ZNF93: variants seen among roughly 807,000 people sequenced by gnomAD.
ZNF93 encodes the protein zinc finger protein 93, also known as zinc finger protein 505.
A neutral mutation model predicts 45.0 loss-of-function variants in ZNF93; 29 were observed. The observed-to-expected ratio is 0.64, with a 90% confidence interval of 0.48 to 0.88. ZNF93 has a LOEUF of 0.88. Among genes scored for constraint, ZNF93 ranks in the 40% least tolerant of loss-of-function variants. ZNF93 has a pLI of 0.00. For synonymous variants in ZNF93, 223 were observed against 244.6 expected (o/e 0.91, Z 0.82); for missense variants, 578 against 724.0 (o/e 0.80, Z 2.31).
intron 3 of ZNF93, among the ~76,000 whole-genome samples, chr19:19,921,833 G>C (rs983016569): frequency 6.6e-6 from 1 of 151,924 alleles, no homozygotes; most frequent in African/African-American, 2.4e-5. Flanking sequence ...GAGCCTATGT[G>C]TGTCTCTGCA....
intron 1 of ZNF93, chr19:19,914,880 C>A (rs771096481): frequency 5.2e-5 from 17 of 324,820 alleles, no homozygotes; most frequent in Non-Finnish European, 7.6e-5. Context: ...TGGGAAAAAA[C>A]CCCCGCATAA....
At chr19:19,903,031 G>A (rs555810629) in intron 1 of ZNF93, among the ~76,000 whole-genome samples, 7 of 152,156 alleles carry the variant, frequency 4.6e-5, no homozygotes, top group Non-Finnish European at 8.8e-5. Context: ...GAGCCACCGC[G>A]CCCGGCCTTT....
chr19:19,933,515 C>A lies in ZNF93; in HGVS notation c.560C>A (p.Thr187Asn). ...GGCAAAGCTTTTAACCAGTTCTCAACCCTTATAACACATAAGAAAATTCAT... is the reference window on the plus strand; with the variant it reads ...GGCAAAGCTTTTAACCAGTTCTCAAACCTTATAACACATAAGAAAATTCAT... ...ECGKAFNQFS[T>N]LITHKKIHTG... The change falls in exon 4 of 4, where the codon ACC becomes AAC. Residue 187 changes from threonine (T) to asparagine (N), a missense_variant. Thr to Asn is a moderately conservative substitution (Grantham distance 65). Coordinates refer to ENST00000343769, the MANE Select transcript of ZNF93 (RefSeq NM_031218.4). The A allele has an allele frequency of 2.5e-6, 4 of 1,606,908 alleles. No individual in the cohort carries two copies. Among genetic ancestry groups the A allele is most frequent in the Non-Finnish European group, 3.4e-6 (4 of 1,177,798 alleles).
Position 19,917,754 on chromosome 19 carries a change from G to C in ZNF93, c.226+1099G>C, listed in dbSNP as rs531118010. ...TGGTCTCAAACTCCCAACCTCAGGT[G>C]ATCCACCCGCCTTGGCCTTTCAATG... is the stretch of plus-strand genomic sequence containing the variant. On this transcript the variant is annotated intron_variant, in intron 3 of 3. Coordinates refer to ENST00000343769, the MANE Select transcript of ZNF93 (RefSeq NM_031218.4). Among the ~76,000 whole-genome samples, 17 of 152,232 alleles carry C rather than the reference G, an allele frequency of 1.1e-4. No individual in the cohort carries two copies. In the South Asian group the frequency reaches 3.5e-3, roughly 32 times the overall value.
intron 3 of ZNF93, among the ~76,000 whole-genome samples, chr19:19,924,664 C>T (rs2122186894): frequency 6.6e-6 from 1 of 151,592 alleles, no homozygotes. Flanking sequence ...AATCTAGGCT[C>T]ACTGCAACCT....
In ZNF93 at chr19:19,934,886, C is replaced by G. The variant is rs1281861925; in HGVS notation, c.*68C>G. 1 of 1,496,500 alleles carries G rather than the reference C, an allele frequency of 6.7e-7. No homozygotes were observed. Among genetic ancestry groups the G allele is most frequent in the Admixed American group, 2.1e-5 (1 of 46,592 alleles). 92.7% of individuals were successfully genotyped at this position (1,496,500 alleles called of 1,614,324 possible). On this transcript the variant is annotated 3_prime_UTR_variant, in exon 4 of 4. Coordinates refer to ENST00000343769, the MANE Select transcript of ZNF93 (RefSeq NM_031218.4). Reference sequence around the variant, plus strand: ...CTTACTATACACTGAGAGTTCTGAACTTACTCTGTAACCATCCCAAACTCC... The same window carrying G: ...CTTACTATACACTGAGAGTTCTGAAGTTACTCTGTAACCATCCCAAACTCC...
chr19:19,911,561 C>T (rs1407533458), intron 1 of ZNF93, among the ~76,000 whole-genome samples: 1 of 152,090 alleles, frequency 6.6e-6, no homozygotes, highest in Non-Finnish European at 1.5e-5. Context: ...ATGAAGCAGT[C>T]ATAGTTCCTA....
intron 1 of ZNF93, among the ~76,000 whole-genome samples, chr19:19,906,554 T>C (rs1404764733): frequency 6.6e-6 from 1 of 152,188 alleles, no homozygotes; most frequent in Non-Finnish European, 1.5e-5. Flanking sequence ...TGTCAATTTT[T>C]GCTTTTGTTA....
In ZNF93 at chr19:19,933,653, A is replaced by T; in HGVS notation, c.698A>T (p.Lys233Ile). 6.2e-7 allele frequency: 1 copy of T among 1,612,356 alleles called. No individual in the cohort carries two copies. The highest frequency in any genetic ancestry group is 8.5e-7 in the Non-Finnish European group (1 of 1,179,166). The change falls in exon 4 of 4, where the codon AAA becomes ATA. Residue 233 changes from lysine to isoleucine, a missense_variant. Lys to Ile is a moderately radical substitution (Grantham distance 102). Around this residue, in one of 3 missense-constraint regions of ZNF93, gnomAD observed 446 missense variants for 547.6 expected, o/e 0.81. Transcript: ENST00000343769. The part of the protein sequence containing the change: ...HTGEKPYKCD[K>I]CDKAFIASST... ...GGAGAGAAACCATACAAGTGTGATA[A>T]ATGTGACAAAGCCTTTATTGCATCC... is the stretch of plus-strand genomic sequence containing the variant.
intron 1 of ZNF93, among the ~76,000 whole-genome samples, chr19:19,902,729 TGG>T (rs1187414050): frequency 6.8e-6 from 1 of 148,034 alleles, no homozygotes; most frequent in Admixed American, 6.7e-5. Context: ...GAAAGGAAAC[TGG>T]GAGGATCTTT....
chr19:19,934,344 C>G lies in ZNF93; in HGVS notation c.1389C>G (p.Asn463Lys). 6.2e-7 allele frequency: 1 copy of G among 1,611,044 alleles called. No individual in the cohort carries two copies. The highest frequency in any genetic ancestry group is 8.5e-7 in the Non-Finnish European group (1 of 1,179,526). ...GTGAAGAATGTGGCAAAGCTTTTAA[C>G]CAGTCCTCATCCCTTACTAAACATA... ...YKCEECGKAF[N>K]QSSSLTKHKK... The change falls in exon 4 of 4, where the codon AAC becomes AAG. Residue 463 changes from asparagine (N) to lysine (K), a missense_variant. By Grantham distance (94) the Asn-to-Lys change is moderately conservative. Around this residue, in one of 3 missense-constraint regions of ZNF93, gnomAD observed 446 missense variants for 547.6 expected, o/e 0.81. Transcript: ENST00000343769.
chr19:19,911,990 G>T (rs1001588363), intron 1 of ZNF93, among the ~76,000 whole-genome samples: 1 of 151,902 alleles, frequency 6.6e-6, no homozygotes, highest in African/African-American at 2.4e-5. Flanking sequence ...ACCTCGTTCT[G>T]CACCCGCCTT....
At chr19:19,914,236 G>T (rs1015878236) in intron 1 of ZNF93, among the ~76,000 whole-genome samples, 3 of 152,128 alleles carry the variant, frequency 2.0e-5, no homozygotes, top group Non-Finnish European at 2.9e-5. Flanking sequence ...TTAGCTATAT[G>T]CAGAAGATAA....
chr19:19,910,241 AG>A (rs1342304918), intron 1 of ZNF93, among the ~76,000 whole-genome samples: 4 of 152,170 alleles, frequency 2.6e-5, no homozygotes, highest in Admixed American at 1.3e-4. Context: ...AACTTACCTA[AG>A]AAATGCAAGT....
chr19:19,935,078 C>A lies in ZNF93; in HGVS notation c.*260C>A. 1 of 450,046 alleles carries A rather than the reference C, an allele frequency of 2.2e-6. No individual in the cohort carries two copies. The highest frequency in any genetic ancestry group is 3.9e-6 in the Non-Finnish European group (1 of 254,986). 27.9% of individuals were successfully genotyped at this position (450,046 alleles called of 1,614,324 possible). ...GAGCCACAGCTTAAGGTCAGTTCTG[C>A]CTATATAGAAACCCACACAGTTAAC... is the stretch of plus-strand genomic sequence containing the variant. On this transcript the variant is annotated 3_prime_UTR_variant, in exon 4 of 4. Transcript: ENST00000343769.
intron 1 of ZNF93, among the ~76,000 whole-genome samples, chr19:19,902,170 A>G (rs1257067463): frequency 6.6e-6 from 1 of 152,180 alleles, no homozygotes; most frequent in Admixed American, 6.5e-5. Flanking sequence ...TCAAACACTG[A>G]GTTTCAAAAA....
At chr19:19,901,221 C>G (rs1433468422) in intron 1 of ZNF93, 130 bp downstream of exon 1, 7 of 1,473,278 alleles carry the variant, frequency 4.8e-6, no homozygotes, top group African/African-American at 1.4e-5. Context: ...TTGCCCAGCT[C>G]GGCCTCGGTT....
At chr19:19,922,524 G>A (rs146168995) in intron 3 of ZNF93, among the ~76,000 whole-genome samples, 23,395 of 152,186 alleles carry the variant, frequency 0.15, 2,062 homozygotes, top group East Asian at 0.41. Context: ...ATAATATCCT[G>A]CAGAGTGTTT....
At position 19,914,608 on chromosome 19, in the gene ZNF93, A is replaced by G. The variant is rs2063318315; in HGVS notation, c.4-672A>G. On this transcript the variant is annotated intron_variant, in intron 1 of 3. Transcript: ENST00000343769. ...ACTATAGTTAATTATTTTTCTCTTC[A>G]TTATTAAGCATCCTTATCCAGCGGA... 15 of 190,988 alleles carry G rather than the reference A, an allele frequency of 7.9e-5. No individual in the cohort carries two copies. The South Asian group carries it at 1.3e-3, about 17-fold the overall frequency. The allele number at this position is 190,988 out of a possible 1,614,324, so 11.8% of individuals were successfully genotyped here. A position where few individuals can be genotyped will look rare whatever the true frequency, so the allele number is the denominator to read the frequency against.
Sources: gnomAD v4.1 joint callset for allele counts (sites outside exome capture counted in the v4.1 genomes callset) on GRCh38, gnomAD v4.1.1 for gene constraint, gnomAD v4.1.1 regional missense constraint, MANE v1.5 for transcripts, NCBI Gene and HGNC (gene_info 2026-07-23, HGNC 2026-07-21) for gene names.